The following ABHD6 variants were observed in gnomAD, a reference collection of about 807,000 sequenced individuals.
The protein encoded by ABHD6 is monoacylglycerol lipase ABHD6.
Under a neutral mutation model 38.8 loss-of-function variants are expected in ABHD6, and 33 were observed. The ratio of observed to expected loss-of-function variants is 0.85; its 90% CI spans 0.64 to 1.14. ABHD6 has a LOEUF of 1.14. Ranked by LOEUF, ABHD6 falls within the 50% of genes most tolerant of loss-of-function variation. ABHD6 has a pLI of 0.00. For missense variants in ABHD6, 380 were observed against 422.6 expected (o/e 0.90, Z 0.88); for synonymous variants, 147 against 161.6 (o/e 0.91, Z 0.69).
intron 2 of ABHD6, among the ~76,000 whole-genome samples, chr3:58,252,308 G>C (rs1044097496): frequency 3.9e-5 from 5 of 127,070 alleles, no homozygotes; most frequent in Non-Finnish European, 6.2e-5. Flanking sequence ...TCAGCCTCCA[G>C]GCTCAAGTAA....
chr3:58,263,588 T>G lies in ABHD6; in HGVS notation c.120-3601T>G, dbSNP rs2097438640. ...CAACCCTGTGTCTCTTCATTCTGGT[T>G]CAAGTCATACTTGGCTCTCCCCGAG... On this transcript the variant is annotated intron_variant, in intron 3 of 9. Transcript: ENST00000478253. The surrounding 1 kb of genome is among the most constrained non-coding windows in gnomAD (Gnocchi z 4.9). 6.6e-6 allele frequency among the ~76,000 whole-genome samples: 1 copy of G among 152,180 alleles called. No homozygotes were observed.
intron 1 of ABHD6, among the ~76,000 whole-genome samples, chr3:58,243,036 A>G (rs1029640135): frequency 6.6e-6 from 1 of 152,136 alleles, no homozygotes; most frequent in Admixed American, 6.5e-5. Flanking sequence ...CCATGTCCCT[A>G]CAAAGGACAT....
In ABHD6 at chr3:58,256,100, CACACACACAT is replaced by C. The variant is rs1412067356; in HGVS notation, c.-25-453_-25-444del. Among the ~76,000 whole-genome samples the C allele has an allele frequency of 4.9e-5, 5 of 102,330 alleles. No individual in the cohort carries two copies. The highest frequency in any genetic ancestry group is 3.3e-4 in the South Asian group (1 of 3,020). 67.1% of individuals were successfully genotyped at this position (102,330 alleles called of 152,430 possible). A position where few individuals can be genotyped will look rare whatever the true frequency, so the allele number is the denominator to read the frequency against. ...CAACACACACACACACACACACACA[CACACACACAT>C]ACACACACTACTTTTTCTCTCCTGA... On this transcript the variant is annotated intron_variant, in intron 2 of 9. Transcript: ENST00000478253. This position sits in a 1 kb window ranked among gnomAD's most constrained non-coding sequence, Gnocchi z 4.3.
At chr3:58,283,556 G>A (rs1032303374) in intron 7 of ABHD6, among the ~76,000 whole-genome samples, 5 of 152,202 alleles carry the variant, frequency 3.3e-5, no homozygotes, top group African/African-American at 1.2e-4. Context: ...GATAATGCAG[G>A]GATGGACAAT....
At chr3:58,279,185 A>G (rs2097451052) in intron 7 of ABHD6, among the ~76,000 whole-genome samples, 1 of 152,128 alleles carries the variant, frequency 6.6e-6, no homozygotes, top group African/African-American at 2.4e-5. Context: ...TGATCTGTCT[A>G]GTATTGACAG....
chr3:58,255,496 G>A (rs980907670), intron 2 of ABHD6, among the ~76,000 whole-genome samples: 21 of 137,902 alleles, frequency 1.5e-4, no homozygotes, highest in Admixed American at 3.9e-4. Flanking sequence ...TTCTCACTCC[G>A]TTGCCTAGGC....
At chr3:58,275,065 A>G (rs1363076099) in intron 7 of ABHD6, among the ~76,000 whole-genome samples, 1 of 152,200 alleles carries the variant, frequency 6.6e-6, no homozygotes, top group Non-Finnish European at 1.5e-5. Context: ...CAAGTAAACA[A>G]TGAACTACCA....
intron 3 of ABHD6, among the ~76,000 whole-genome samples, chr3:58,264,803 G>A (rs1575521952): frequency 6.6e-6 from 1 of 151,672 alleles, no homozygotes. Context: ...GTATATATGG[G>A]GTACACAAGA....
chr3:58,253,509 G>T (rs2097431339), intron 2 of ABHD6, among the ~76,000 whole-genome samples: 1 of 152,204 alleles, frequency 6.6e-6, no homozygotes, highest in African/African-American at 2.4e-5. Flanking sequence ...TGTTAAATAG[G>T]TGACTCCTTC....
At chr3:58,289,986 G>C (rs1458554297) in intron 9 of ABHD6, among the ~76,000 whole-genome samples, 4 of 140,612 alleles carry the variant, frequency 2.8e-5, no homozygotes, top group Non-Finnish European at 4.6e-5. Flanking sequence ...CTGGCCGGGC[G>C]GGGGGCTGAC....
intron 1 of ABHD6, 36 bp downstream of exon 1, chr3:58,237,952 C>T (rs554680635): frequency 4.6e-4 from 70 of 152,866 alleles, no homozygotes; most frequent in African/African-American, 1.6e-3. Context: ...GTGGTGCGCT[C>T]CTAGGGGGAT....
intron 7 of ABHD6, among the ~76,000 whole-genome samples, chr3:58,278,033 C>T (rs541920973): frequency 1.3e-5 from 2 of 152,142 alleles, no homozygotes; most frequent in African/African-American, 2.4e-5. Flanking sequence ...ATTTTCACAT[C>T]GATGTTCATC....
At chr3:58,262,493 A>G (rs6797435) in intron 3 of ABHD6, among the ~76,000 whole-genome samples, 17,769 of 152,170 alleles carry the variant, frequency 0.12, 1,334 homozygotes, top group African/African-American at 0.21. Context: ...AGAGCCTTCA[A>G]TGACTTCTGT....
In ABHD6 at chr3:58,238,340, ATCT is replaced by A. The variant is rs1420853901; in HGVS notation, c.-91+426_-91+428del. The A allele has an allele frequency of 1.3e-5, 2 of 152,262 alleles. No homozygotes were observed. Among genetic ancestry groups the A allele is most frequent in the African/African-American group, 4.8e-5 (2 of 41,334 alleles). 9.4% of individuals were successfully genotyped at this position (152,262 alleles called of 1,614,324 possible). On this transcript the variant is annotated intron_variant, in intron 1 of 9. Transcript: ENST00000478253. The surrounding 1 kb of genome is among the most constrained non-coding windows in gnomAD (Gnocchi z 6.9). ...ACTGCAGCTCGCCCACCCAGATAGC[ATCT>A]TGCTCCGTGTCACGCGCCGCCTCCG... is the stretch of plus-strand genomic sequence containing the variant.
intron 9 of ABHD6, among the ~76,000 whole-genome samples, chr3:58,290,261 A>C (rs1575534286): frequency 9.4e-6 from 1 of 106,276 alleles, no homozygotes; most frequent in African/African-American, 3.7e-5. Flanking sequence ...GGCGCCCCTC[A>C]CCTCCCAGAC....
chr3:58,255,381 A>C (rs1218152498), intron 2 of ABHD6, among the ~76,000 whole-genome samples: 2 of 151,278 alleles, frequency 1.3e-5, no homozygotes, highest in African/African-American at 4.9e-5. Context: ...CTACTTCCCC[A>C]CCTTAGATCA....
chr3:58,246,172 G>A (rs2097426266), intron 1 of ABHD6, among the ~76,000 whole-genome samples: 1 of 152,154 alleles, frequency 6.6e-6, no homozygotes, highest in South Asian at 2.1e-4. Flanking sequence ...AAACGTAAAG[G>A]GTCAAGTGGC....
Position 58,256,573 on chromosome 3 carries a change from C to A in ABHD6, c.-14C>A, listed in dbSNP as rs749609952. On this transcript the variant is annotated 5_prime_UTR_variant, in exon 3 of 10. Transcript: ENST00000478253. This position sits in a 1 kb window ranked among gnomAD's most constrained non-coding sequence, Gnocchi z 4.3. ...TTTGGCCCCTGCAGGAGTCAGCCAGCCTGAAAGAGCAGGATGGATCTTGAT... is the reference window on the plus strand; with the variant it reads ...TTTGGCCCCTGCAGGAGTCAGCCAGACTGAAAGAGCAGGATGGATCTTGAT... 1 of 1,604,680 alleles carries A rather than the reference C, an allele frequency of 6.2e-7. No individual in the cohort carries two copies. The highest frequency in any genetic ancestry group is 1.1e-5 in the South Asian group (1 of 90,406).
At chr3:58,290,694 C>A (rs1316478302) in intron 9 of ABHD6, among the ~76,000 whole-genome samples, 1 of 150,762 alleles carries the variant, frequency 6.6e-6, no homozygotes, top group Non-Finnish European at 1.5e-5. Flanking sequence ...TTCTCACCTC[C>A]CAGACGGGGT....
Sources: allele counts gnomAD v4.1 joint callset (sites outside exome capture counted in the v4.1 genomes callset), GRCh38; gene constraint gnomAD v4.1.1; non-coding constraint Gnocchi (gnomAD v3.1); transcripts MANE v1.5; gene names NCBI Gene and HGNC (gene_info 2026-07-23, HGNC 2026-07-21).